STK3: variants seen among roughly 807,000 people sequenced by gnomAD.
STK3 encodes serine/threonine-protein kinase 3.
A neutral mutation model predicts 58.0 loss-of-function variants in STK3; 41 were observed. The observed-to-expected ratio is 0.71, with a 90% CI of 0.55 to 0.92. STK3 has a LOEUF of 0.92. Ranked by LOEUF, STK3 falls within the 40% of genes least tolerant of loss-of-function variation. The pLI is 0.00. For synonymous variants in STK3, 170 were observed against 191.0 expected (o/e 0.89, Z 0.91); for missense variants, 479 against 602.7 (o/e 0.79, Z 2.15).
chr8:98,355,883 A>G, the STK3 span, among the ~76,000 whole-genome samples: 1 of 152,204 alleles, frequency 6.6e-6, no homozygotes, highest in South Asian at 2.1e-4. Flanking sequence ...TCTGGTCATT[A>G]TGGCATTTAA....
chr8:98,558,811 T>C (rs1366519422), intron 8 of STK3, among the ~76,000 whole-genome samples: 2 of 152,136 alleles, frequency 1.3e-5, no homozygotes, highest in Non-Finnish European at 2.9e-5. Context: ...ACATAAATTG[T>C]ATTTTTATTG....
Position 98,720,083 on chromosome 8 carries a change from C to G in STK3, c.352-12772G>C, listed in dbSNP as rs146519136. ...TAGTATTAAGGCTTATAAGCAGTAT[C>G]TGTACTTTAAGACTTTTAAATTCAA... On this transcript the variant is annotated intron_variant, in intron 4 of 10. Transcript: ENST00000419617. 8.5e-3 allele frequency among the ~76,000 whole-genome samples: 1,289 copies of G among 152,290 alleles called. 11 individuals are homozygous for G. The highest frequency in any genetic ancestry group is 0.029 in the African/African-American group (1,213 of 41,568).
At chr8:98,491,831 A>G (rs1037830399) in intron 10 of STK3, among the ~76,000 whole-genome samples, 8 of 152,280 alleles carry the variant, frequency 5.3e-5, no homozygotes, top group African/African-American at 1.4e-4. Context: ...ATTAAAAGCT[A>G]CAAAAAGAAA....
intron 2 of STK3, among the ~76,000 whole-genome samples, chr8:98,375,664 C>T (rs1027786871): frequency 6.6e-6 from 1 of 151,958 alleles, no homozygotes; most frequent in Non-Finnish European, 1.5e-5. Context: ...ACTATGTACC[C>T]TTTTGCAACT....
intron 1 of STK3, chr8:98,904,782 G>A (rs1838823460): frequency 5.9e-6 from 4 of 682,160 alleles, no homozygotes; most frequent in Non-Finnish European, 1.1e-5. Flanking sequence ...GGAGGAAGTG[G>A]TGGCCGGAGC....
At chr8:98,536,134 C>T in intron 9 of STK3, among the ~76,000 whole-genome samples, 1 of 152,282 alleles carries the variant, frequency 6.6e-6, no homozygotes. Context: ...GAGCTTCTAA[C>T]TGAAGTCACA....
At chr8:98,835,609 G>A (rs922964861) in intron 3 of STK3, among the ~76,000 whole-genome samples, 4 of 152,268 alleles carry the variant, frequency 2.6e-5, no homozygotes, top group East Asian at 1.9e-4. Context: ...TTTTGCTACC[G>A]AGTGCCCGCA....
intron 1 of STK3, among the ~76,000 whole-genome samples, chr8:98,890,585 C>T (rs1011754710): frequency 2.0e-5 from 3 of 152,144 alleles, no homozygotes; most frequent in African/African-American, 7.2e-5. Flanking sequence ...CTAGGCTTAC[C>T]AATCACTCCC....
chr8:98,878,489 C>A (rs1837649402), intron 3 of STK3, among the ~76,000 whole-genome samples: 1 of 152,172 alleles, frequency 6.6e-6, no homozygotes, highest in African/African-American at 2.4e-5. Flanking sequence ...ACCTACTCCA[C>A]CCAGACAAAT....
intron 6 of STK3, among the ~76,000 whole-genome samples, chr8:98,695,846 G>C (rs1052510752): frequency 3.3e-5 from 5 of 152,144 alleles, no homozygotes; most frequent in African/African-American, 2.4e-5. Context: ...CGGCAATGCG[G>C]GCTCTTTTTG....
intron 3 of STK3, among the ~76,000 whole-genome samples, chr8:98,404,213 C>T (rs1394801960): frequency 6.6e-6 from 1 of 152,200 alleles, no homozygotes; most frequent in Non-Finnish European, 1.5e-5. Flanking sequence ...TAGCATCTCT[C>T]TATGGGACAT....
chr8:98,371,456 G>C (rs1485510583), exon 3 of STK3: 1 of 152,224 alleles, frequency 6.6e-6, no homozygotes, highest in Non-Finnish European at 1.5e-5. Flanking sequence ...GTGAGTGCTG[G>C]AGCAGGGCTT....
At chr8:98,904,880 G>A (rs1838828687) in intron 1 of STK3, 3 of 684,732 alleles carry the variant, frequency 4.4e-6, no homozygotes, top group Non-Finnish European at 5.6e-6. Flanking sequence ...AGTTGAGGTG[G>A]CTGGTCACAG....
intron 6 of STK3, among the ~76,000 whole-genome samples, chr8:98,668,929 T>C (rs1822570067): frequency 1.3e-5 from 2 of 152,074 alleles, no homozygotes; most frequent in African/African-American, 4.8e-5. Flanking sequence ...TATATTTCAA[T>C]TGTGTTCAGC....
At chr8:98,681,283 C>T (rs1443829776) in intron 6 of STK3, among the ~76,000 whole-genome samples, 1 of 151,952 alleles carries the variant, frequency 6.6e-6, no homozygotes, top group African/African-American at 2.4e-5. Context: ...AGGCGTGAGC[C>T]ACTGCACCCG....
At chr8:98,419,545 C>A (rs1460720096) in intron 3 of STK3, among the ~76,000 whole-genome samples, 1 of 152,222 alleles carries the variant, frequency 6.6e-6, no homozygotes, top group Non-Finnish European at 1.5e-5. Flanking sequence ...GAGAACATTT[C>A]TCAGTGCCAA....
chr8:98,568,063 T>TGATAGATA (rs10528436), intron 8 of STK3, among the ~76,000 whole-genome samples: 11,560 of 146,482 alleles, frequency 0.079, 532 homozygotes, highest in African/African-American at 0.1. Flanking sequence ...CTTAGATAGA[T>TGATAGATA]GATAGATAGA....
At chr8:98,468,326 T>A (rs537116934) in intron 10 of STK3, among the ~76,000 whole-genome samples, 1 of 152,366 alleles carries the variant, frequency 6.6e-6, no homozygotes, top group South Asian at 2.1e-4. Flanking sequence ...TAGAATGGCA[T>A]GGTTTGTGGC....
intron 6 of STK3, among the ~76,000 whole-genome samples, chr8:98,656,417 A>G (rs1821529836): frequency 6.6e-6 from 1 of 152,110 alleles, no homozygotes; most frequent in Non-Finnish European, 1.5e-5. Flanking sequence ...GCACACCAGC[A>G]TGGCACGTGT....
Sources: allele counts gnomAD v4.1 joint callset (sites outside exome capture counted in the v4.1 genomes callset), GRCh38; gene constraint gnomAD v4.1.1; transcripts MANE v1.5; gene names NCBI Gene and HGNC (gene_info 2026-07-23, HGNC 2026-07-21).